CEP95: variants seen among roughly 807,000 people sequenced by gnomAD.
CEP95 encodes centrosomal protein of 95 kDa.
Under a neutral mutation model 111.2 loss-of-function variants are expected in CEP95, and 98 were observed. That is an observed-to-expected ratio of 0.88 (90% CI 0.75 to 1.04). The LOEUF is 1.04. Among genes scored for constraint, CEP95 ranks in the 50% least tolerant of loss-of-function variants. CEP95 has a pLI of 0.00. For missense variants in CEP95, 1,027 were observed against 977.2 expected (o/e 1.05, Z -0.68); for synonymous variants, 323 against 327.1 (o/e 0.99, Z 0.14).
chr17:64,531,217 C>G, intron 13 of CEP95, 199 bp downstream of exon 13: 1 of 391,266 alleles, frequency 2.6e-6, no homozygotes, highest in Admixed American at 4.5e-5. Context: ...AGACATGGTT[C>G]CAAAGAAAAG....
At chr17:64,520,159 T>C (rs1387521802) in intron 6 of CEP95, among the ~76,000 whole-genome samples, 1 of 152,170 alleles carries the variant, frequency 6.6e-6, no homozygotes, top group Non-Finnish European at 1.5e-5. Context: ...TGATTGGGAA[T>C]GGAAGGGATG....
intron 18 of CEP95, 78 bp from the exon 19 acceptor site, chr17:64,536,963 C>A: frequency 7.3e-7 from 1 of 1,371,788 alleles, no homozygotes; most frequent in Non-Finnish European, 1.0e-6. Context: ...TGATTTTAAG[C>A]CTGTGAACAT....
chr17:64,522,178 T>C (rs1967395955), intron 7 of CEP95, among the ~76,000 whole-genome samples: 1 of 152,122 alleles, frequency 6.6e-6, no homozygotes, highest in South Asian at 2.1e-4. Context: ...TTTCTTATTA[T>C]CATCTCTGGA....
chr17:64,526,749 C>A (rs1381329424), intron 10 of CEP95, among the ~76,000 whole-genome samples: 1 of 152,072 alleles, frequency 6.6e-6, no homozygotes, highest in Non-Finnish European at 1.5e-5. Flanking sequence ...TCACTTAAGC[C>A]CAGGAGTTTG....
chr17:64,508,871 A>G (rs76418583), intron 2 of CEP95, among the ~76,000 whole-genome samples, 151 bp downstream of exon 2: 1 of 150,800 alleles, frequency 6.6e-6, no homozygotes, highest in Admixed American at 6.6e-5. Flanking sequence ...ATATTAATAT[A>G]CAATATTAAA....
intron 5 of CEP95, 70 bp downstream of exon 5, chr17:64,516,898 G>A (rs1321763612): frequency 1.1e-5 from 9 of 855,312 alleles, no homozygotes; most frequent in East Asian, 2.5e-5. Flanking sequence ...AAAATCACAC[G>A]TAATATACCA....
rs1555674544 is a variant in CEP95, at chr17:64,510,292, T to A, written c.256+12T>A. The A allele has an allele frequency of 7.1e-7, 1 of 1,416,896 alleles. No individual in the cohort carries two copies. Among genetic ancestry groups the A allele is most frequent in the Non-Finnish European group, 9.9e-7 (1 of 1,005,496 alleles). The allele number at this position is 1,416,896 out of a possible 1,614,324, so 87.8% of individuals were successfully genotyped here. A position where few individuals can be genotyped will look rare whatever the true frequency, so the allele number is the denominator to read the frequency against. On this transcript the variant is annotated intron_variant, in intron 3 of 19. Transcript: ENST00000556440. Reference sequence around the variant, plus strand: ...GTCTCACATAACAGGTTGGTATATGTATAACTATCACATAATTATGCATTT... The same window carrying A: ...GTCTCACATAACAGGTTGGTATATGAATAACTATCACATAATTATGCATTT...
At chr17:64,516,385 C>A (rs782121185) in intron 4 of CEP95, among the ~76,000 whole-genome samples, 3 of 152,198 alleles carry the variant, frequency 2.0e-5, no homozygotes, top group Non-Finnish European at 4.4e-5. Flanking sequence ...TATGTTGACA[C>A]AATCACGTTT....
At chr17:64,514,814 G>T (rs1555675999) in intron 4 of CEP95, 2 of 188,398 alleles carry the variant, frequency 1.1e-5, no homozygotes, top group Non-Finnish European at 2.2e-5. Context: ...AAAAGTGAAA[G>T]AACTTAACTG....
rs149126332 is a variant in CEP95, at chr17:64,514,763, C to T, written c.367+405C>T. On this transcript the variant is annotated intron_variant, in intron 4 of 19. Transcript: ENST00000556440. ...CATTTGTGTCTTTAGCCTGCACTTA[C>T]ATTTGTGACAGCCTAAATATTTCAG... 1.9e-4 allele frequency: 51 copies of T among 261,786 alleles called. No individual in the cohort carries two copies. In the East Asian group the frequency reaches 3.4e-3, roughly 17 times the overall value. The allele number at this position is 261,786 out of a possible 1,614,324, so 16.2% of individuals were successfully genotyped here. A position where few individuals can be genotyped will look rare whatever the true frequency, so the allele number is the denominator to read the frequency against.
upstream of CEP95, chr17:64,506,890 G>A (rs373789164): frequency 3.0e-5 from 20 of 657,506 alleles, no homozygotes; most frequent in Admixed American, 2.3e-5. Context: ...AACCGCCCCC[G>A]TTTCACGTCC....
intron 17 of CEP95, chr17:64,535,957 C>T (rs912593118): frequency 6.6e-6 from 1 of 152,072 alleles, no homozygotes; most frequent in Non-Finnish European, 1.5e-5. Flanking sequence ...AAACCAAATA[C>T]GAAAGGCCAC....
intron 7 of CEP95, 149 bp downstream of exon 7, chr17:64,521,676 G>T (rs1315595549): frequency 1.2e-5 from 8 of 660,440 alleles, no homozygotes; most frequent in South Asian, 5.8e-5. Context: ...TATTAATTAT[G>T]GTATCTGAAT....
chr17:64,525,291 A>C, intron 8 of CEP95, among the ~76,000 whole-genome samples: 1 of 151,992 alleles, frequency 6.6e-6, no homozygotes, highest in East Asian at 1.9e-4. Flanking sequence ...AAGCCATTGC[A>C]CTCCAGCCTA....
chr17:64,532,137 T>C (rs1968324664), intron 14 of CEP95, 115 bp downstream of exon 14: 1 of 1,379,450 alleles, frequency 7.2e-7, no homozygotes, highest in Admixed American at 3.3e-5. Flanking sequence ...AAGAAAGTTT[T>C]TTTTTTTTCC....
chr17:64,507,696 AT>A, intron 1 of CEP95: 1 of 986,116 alleles, frequency 1.0e-6, no homozygotes, highest in South Asian at 4.6e-5. Context: ...ACCAGTTGTC[AT>A]GGTTTGGCCA....
Position 64,509,925 on chromosome 17 carries a change from TAATA to T in CEP95, c.149-243_149-240del, listed in dbSNP as rs1295979731. ...TATATCTATATATATATATATGGTG[TAATA>T]AATATTCAACCGTATTCAACCAGTC... On this transcript the variant is annotated intron_variant, in intron 2 of 19. Transcript: ENST00000556440. Among the ~76,000 whole-genome samples the T allele has an allele frequency of 2.4e-4, 36 of 152,194 alleles. 1 individual carries two copies. Among genetic ancestry groups the T allele is most frequent in the South Asian group, 8.3e-4 (4 of 4,828 alleles).
intron 17 of CEP95, 43 bp downstream of exon 17, chr17:64,534,780 TTTG>T (rs782471581): frequency 2.5e-6 from 4 of 1,586,660 alleles, no homozygotes; most frequent in Admixed American, 3.6e-5. Context: ...GAAGGTGAAC[TTTG>T]TTATCTTTCA....
intron 1 of CEP95, 31 bp from the exon 2 acceptor site, chr17:64,508,561 A>T: frequency 7.4e-7 from 1 of 1,342,550 alleles, no homozygotes; most frequent in Non-Finnish European, 9.7e-7. Context: ...GGTGGTTTTT[A>T]AGACTGATCT....
Sources: gnomAD v4.1 joint callset for allele counts (sites outside exome capture counted in the v4.1 genomes callset) on GRCh38, gnomAD v4.1.1 for gene constraint, MANE v1.5 for transcripts, NCBI Gene and HGNC (gene_info 2026-07-23, HGNC 2026-07-21) for gene names.